The following INTS15 variants were observed in gnomAD, a reference collection of about 807,000 sequenced individuals.
The protein encoded by INTS15 is integrator complex subunit 15.
chr7:6,607,844 G>A, the INTS15 span: 16 of 1,526,388 alleles, frequency 1.0e-5, no homozygotes, highest in Non-Finnish European at 1.4e-5. This position sits in a 1 kb window ranked among gnomAD's most constrained non-coding sequence, Gnocchi z 6.0. Flanking sequence ...CGGGTGGTCC[G>A]TGCCTGTGTC....
the INTS15 span, chr7:6,591,751 A>T: frequency 6.2e-7 from 1 of 1,614,142 alleles, no homozygotes; most frequent in South Asian, 1.1e-5. Context: ...ATCCCTTTTC[A>T]GCCCTCAAGG....
the INTS15 span, chr7:6,602,166 G>A: frequency 2.5e-6 from 4 of 1,604,438 alleles, no homozygotes; most frequent in Admixed American, 7.0e-5. Flanking sequence ...ACTCCTAGCT[G>A]GGCCAGCTTG....
chr7:6,605,845 A>G, the INTS15 span, among the ~76,000 whole-genome samples: 1 of 151,614 alleles, frequency 6.6e-6, no homozygotes, highest in Non-Finnish European at 1.5e-5. Context: ...ATTACAGACA[A>G]CTGCCACCAC....
chr7:6,599,655 C>T, the INTS15 span, among the ~76,000 whole-genome samples: 1 of 152,114 alleles, frequency 6.6e-6, no homozygotes, highest in East Asian at 1.9e-4. Flanking sequence ...ACTCCCAGTC[C>T]CCCTGGTGTG....
the INTS15 span, among the ~76,000 whole-genome samples, chr7:6,598,144 G>A: frequency 1.4e-3 from 217 of 152,250 alleles, no homozygotes; most frequent in Non-Finnish European, 1.0e-3. Flanking sequence ...ACCTGGTGTT[G>A]CCCAAACAGA....
At chr7:6,602,091 T>C in the INTS15 span, 1 of 1,612,600 alleles carries the variant, frequency 6.2e-7, no homozygotes, top group African/African-American at 1.3e-5. Flanking sequence ...TTGTATCTCC[T>C]TAATTGCAGA....
At chr7:6,594,674 A>C in the INTS15 span, 3 of 1,409,788 alleles carry the variant, frequency 2.1e-6, no homozygotes, top group Non-Finnish European at 2.0e-6. Flanking sequence ...CTGAATACCC[A>C]GGTGAAGTGT....
the INTS15 span, chr7:6,602,557 G>C: frequency 2.4e-6 from 1 of 412,542 alleles, no homozygotes. Context: ...TTCTGGGCGC[G>C]GCCCTGTCTG....
chr7:6,603,609 T>TGG, the INTS15 span, among the ~76,000 whole-genome samples: 6 of 150,114 alleles, frequency 4.0e-5, no homozygotes, highest in Non-Finnish European at 7.4e-5. Context: ...GAGGCCAAGG[T>TGG]GGGCGGATCA....
At chr7:6,602,208 C>T in the INTS15 span, 27 of 1,384,648 alleles carry the variant, frequency 1.9e-5, no homozygotes, top group East Asian at 2.1e-4. Context: ...CAAGACAGGG[C>T]GAGCCCCTTT....
the INTS15 span, among the ~76,000 whole-genome samples, chr7:6,594,766 G>A: frequency 1.3e-5 from 2 of 152,118 alleles, no homozygotes; most frequent in African/African-American, 4.8e-5. Flanking sequence ...TGTTGCCCAG[G>A]CTGGAGTGCA....
the INTS15 span, chr7:6,599,815 G>A: frequency 6.2e-7 from 1 of 1,609,860 alleles, no homozygotes. Flanking sequence ...TGACCTAATG[G>A]TCTTTGTTTG....
chr7:6,600,927 G>T, the INTS15 span, among the ~76,000 whole-genome samples: 1 of 151,950 alleles, frequency 6.6e-6, no homozygotes, highest in African/African-American at 2.4e-5. Context: ...ATGAGCCACC[G>T]TGCCGTTTCT....
the INTS15 span, among the ~76,000 whole-genome samples, chr7:6,598,991 T>C: frequency 6.6e-6 from 1 of 152,058 alleles, no homozygotes; most frequent in Non-Finnish European, 1.5e-5. Flanking sequence ...TCTCACTATG[T>C]TTCCAGGGCT....
the INTS15 span, chr7:6,590,490 G>C: frequency 1.3e-6 from 2 of 1,555,438 alleles, no homozygotes; most frequent in Admixed American, 1.9e-5. Context: ...GGCCTGAGAC[G>C]GTCGGGTTCC....
At chr7:6,593,329 G>A in the INTS15 span, among the ~76,000 whole-genome samples, 1 of 130,838 alleles carries the variant, frequency 7.6e-6, no homozygotes, top group East Asian at 2.1e-4. Context: ...CTGTGCGGTG[G>A]TTTTTTTTTT....
the INTS15 span, chr7:6,600,241 G>A: frequency 1.9e-6 from 3 of 1,614,084 alleles, no homozygotes; most frequent in African/African-American, 1.3e-5. Flanking sequence ...AGATCAACAG[G>A]TTGGCGGATG....
chr7:6,600,326 A>G, the INTS15 span: 9 of 1,613,608 alleles, frequency 5.6e-6, no homozygotes, highest in Non-Finnish European at 7.6e-6. Context: ...GCAGGTGGCC[A>G]TGGCCTCAGG....
the INTS15 span, chr7:6,600,240 G>C: frequency 3.4e-5 from 55 of 1,614,102 alleles, no homozygotes; most frequent in Non-Finnish European, 4.3e-5. Flanking sequence ...GAGATCAACA[G>C]GTTGGCGGAT....
Sources: gnomAD v4.1 joint callset for allele counts (sites outside exome capture counted in the v4.1 genomes callset) on GRCh38, gnomAD v4.1.1 for gene constraint, Gnocchi (gnomAD v3.1) non-coding constraint, MANE v1.5 for transcripts, NCBI Gene and HGNC (gene_info 2026-07-23, HGNC 2026-07-21) for gene names.